Variants in GLIS3 observed in about 807,000 individuals in gnomAD.
The protein encoded by GLIS3 is zinc finger protein GLIS3.
A neutral mutation model predicts 78.6 loss-of-function variants in GLIS3; 53 were observed. The observed-to-expected ratio is 0.67, with a 90% CI of 0.54 to 0.85. GLIS3 has a LOEUF of 0.85. GLIS3 is among the 40% of genes least tolerant of loss of function. The pLI is 0.00. For missense variants in GLIS3, 1,703 were observed against 1,231.1 expected, an observed-to-expected ratio of 1.38 and a Z score of -5.74; for synonymous variants, 684 against 509.9, an observed-to-expected ratio of 1.34 and a Z score of -4.60.
intron 2 of GLIS3, among the ~76,000 whole-genome samples, chr9:4,177,464 T>C (rs945935216): frequency 1.3e-5 from 2 of 152,184 alleles, no homozygotes. Flanking sequence ...CAGAGCCCAA[T>C]GTCTGAAACA....
intron 4 of GLIS3, among the ~76,000 whole-genome samples, chr9:4,049,907 C>T (rs1361375774): frequency 6.6e-6 from 1 of 152,094 alleles, no homozygotes; most frequent in Admixed American, 6.5e-5. Context: ...GATACCATCT[C>T]ACACCAGTTA....
chr9:4,325,657 C>G (rs1163047724), intron 2 of GLIS3, among the ~76,000 whole-genome samples: 1 of 152,190 alleles, frequency 6.6e-6, no homozygotes, highest in Non-Finnish European at 1.5e-5. Context: ...TTAGGATTCA[C>G]TTCCACCTAG....
intron 2 of GLIS3, among the ~76,000 whole-genome samples, chr9:4,231,463 A>G (rs993322984): frequency 6.6e-6 from 1 of 152,216 alleles, no homozygotes; most frequent in African/African-American, 2.4e-5. Context: ...TGGAAAAAAA[A>G]TTATGAAGAT....
chr9:4,405,046 C>T, the GLIS3 span, among the ~76,000 whole-genome samples: 2 of 152,140 alleles, frequency 1.3e-5, no homozygotes, highest in Non-Finnish European at 2.9e-5. Flanking sequence ...GACATTAGAA[C>T]TGATACCACA....
At chr9:4,338,104 A>C (rs12336020) in intron 2 of GLIS3, among the ~76,000 whole-genome samples, 1 of 150,994 alleles carries the variant, frequency 6.6e-6, no homozygotes, top group Admixed American at 6.6e-5. Context: ...CCATAGCATG[A>C]CTTCTTTTCA....
intron 4 of GLIS3, among the ~76,000 whole-genome samples, chr9:4,059,337 C>T (rs1826426530): frequency 6.6e-6 from 1 of 152,154 alleles, no homozygotes; most frequent in African/African-American, 2.4e-5. Flanking sequence ...CCACTACACT[C>T]CTGGTTTTTG....
chr9:4,216,590 G>C (rs970804629), intron 2 of GLIS3, among the ~76,000 whole-genome samples: 1 of 152,094 alleles, frequency 6.6e-6, no homozygotes, highest in African/African-American at 2.4e-5. Context: ...TCTGAAGGAA[G>C]GTTGGGGAAA....
chr9:4,092,853 T>C (rs1829639916), intron 4 of GLIS3, among the ~76,000 whole-genome samples: 2 of 152,262 alleles, frequency 1.3e-5, no homozygotes, highest in South Asian at 4.1e-4. Flanking sequence ...AGATTTTTAT[T>C]ATCAAGTATT....
At chr9:4,248,834 G>C (rs1262038902) in intron 2 of GLIS3, among the ~76,000 whole-genome samples, 1 of 152,142 alleles carries the variant, frequency 6.6e-6, no homozygotes, top group African/African-American at 2.4e-5. Context: ...TTTCTCTAAT[G>C]ACCAGTGATG....
chr9:4,379,150 C>G, the GLIS3 span, among the ~76,000 whole-genome samples: 22 of 152,250 alleles, frequency 1.4e-4, 1 homozygote, highest in South Asian at 4.4e-3. Flanking sequence ...GTCCAGCGCC[C>G]CATCACTGTA....
intron 2 of GLIS3, among the ~76,000 whole-genome samples, chr9:4,316,465 C>A (rs1817438001): frequency 6.6e-6 from 1 of 152,212 alleles, no homozygotes; most frequent in South Asian, 2.1e-4. Context: ...CATTCAACAT[C>A]ATTTTGTGAT....
chr9:3,939,971 C>T (rs1826111557), intron 4 of GLIS3, among the ~76,000 whole-genome samples: 1 of 152,208 alleles, frequency 6.6e-6, no homozygotes, highest in Non-Finnish European at 1.5e-5. Flanking sequence ...GAACTTGTCA[C>T]ATTGACAATT....
At chr9:4,002,856 T>C (rs1233305555) in intron 4 of GLIS3, among the ~76,000 whole-genome samples, 1 of 152,146 alleles carries the variant, frequency 6.6e-6, no homozygotes, top group Non-Finnish European at 1.5e-5. Flanking sequence ...CTGCTTTAAA[T>C]ATGAGCGTGA....
chr9:3,986,597 G>A (rs1030645331), intron 4 of GLIS3, among the ~76,000 whole-genome samples: 2 of 152,200 alleles, frequency 1.3e-5, no homozygotes, highest in African/African-American at 2.4e-5. Context: ...ACTATTAAAT[G>A]TCTTGAGAGC....
chr9:3,898,428 G>C, intron 7 of GLIS3: 2 of 507,186 alleles, frequency 3.9e-6, no homozygotes, highest in Non-Finnish European at 7.2e-6. Flanking sequence ...TAACTGCGAG[G>C]GTTGGGTACA....
chr9:4,328,148 G>C (rs898936784), intron 2 of GLIS3, among the ~76,000 whole-genome samples: 1 of 152,184 alleles, frequency 6.6e-6, no homozygotes, highest in Non-Finnish European at 1.5e-5. Context: ...CGGGGATCCA[G>C]TGCCAGTAAG....
At chr9:4,442,632 C>T in the GLIS3 span, among the ~76,000 whole-genome samples, 2 of 151,252 alleles carry the variant, frequency 1.3e-5, no homozygotes, top group African/African-American at 2.4e-5. Context: ...CCTTTTTTCT[C>T]CTTAAATACC....
chr9:4,014,673 C>G (rs1262308192), intron 4 of GLIS3, among the ~76,000 whole-genome samples: 2 of 152,210 alleles, frequency 1.3e-5, no homozygotes, highest in African/African-American at 4.8e-5. Flanking sequence ...AACTTCTAGC[C>G]TGTGAACTGA....
the GLIS3 span, among the ~76,000 whole-genome samples, chr9:4,463,227 A>G: frequency 6.6e-6 from 1 of 152,254 alleles, no homozygotes; most frequent in East Asian, 1.9e-4. Flanking sequence ...CCTAGCCTAT[A>G]AAAGTTGACT....
Sources: allele counts gnomAD v4.1 joint callset (sites outside exome capture counted in the v4.1 genomes callset), GRCh38; gene constraint gnomAD v4.1.1; transcripts MANE v1.5; gene names NCBI Gene and HGNC (gene_info 2026-07-23, HGNC 2026-07-21).